ULK4: variants seen among roughly 807,000 people sequenced by gnomAD.
The protein encoded by ULK4 is unc-51 like kinase 4.
A neutral mutation model predicts 160.6 loss-of-function variants in ULK4; 133 were observed. The observed-to-expected ratio is 0.83, with a 90% CI of 0.72 to 0.96. The LOEUF is 0.96. ULK4 is among the 40% of genes least tolerant of loss of function. The probability of loss-of-function intolerance (pLI) is 0.00; values close to 1 mark genes in which losing one functional copy is unlikely to be tolerated. For synonymous variants in ULK4, 534 were observed against 539.8 expected, an observed-to-expected ratio of 0.99 and a Z score of 0.15; for missense variants, 1,580 against 1,499.5, an observed-to-expected ratio of 1.05 and a Z score of -0.89.
At chr3:41,843,902 C>T (rs146170253) in intron 17 of ULK4, among the ~76,000 whole-genome samples, 2,246 of 152,168 alleles carry the variant, frequency 0.015, 47 homozygotes, top group African/African-American at 0.052. Flanking sequence ...AGGTTCTCCA[C>T]GTCCCCACTA....
chr3:41,813,017 C>T lies in ULK4; in HGVS notation c.1848+6406G>A, dbSNP rs1320814740. On this transcript the variant is annotated intron_variant, in intron 19 of 36. Transcript: ENST00000301831. ...AATTTATACATTTGTATCTAATCAA[C>T]ATTTTTTAGCTTACATAATAGTCTA... 3.9e-5 allele frequency among the ~76,000 whole-genome samples: 6 copies of T among 152,146 alleles called. No homozygotes were observed. The East Asian group carries it at 9.6e-4, about 24-fold the overall frequency.
chr3:41,560,321 G>C (rs1389951689), intron 32 of ULK4, among the ~76,000 whole-genome samples: 1 of 151,996 alleles, frequency 6.6e-6, no homozygotes, highest in Non-Finnish European at 1.5e-5. Context: ...TGTTCTTTTG[G>C]CTTAGGATTA....
chr3:41,702,855 G>GTTTTTTTT (rs778490796), intron 27 of ULK4, among the ~76,000 whole-genome samples: 1 of 146,252 alleles, frequency 6.8e-6, no homozygotes, highest in African/African-American at 2.7e-5. Context: ...TTTTTTTTTG[G>GTTTTTTTT]TTTTGTTTTT....
chr3:41,670,876 C>T (rs1310366639), intron 29 of ULK4, among the ~76,000 whole-genome samples: 1 of 152,008 alleles, frequency 6.6e-6, no homozygotes, highest in Non-Finnish European at 1.5e-5. Context: ...TAATATTTAT[C>T]TTTATGCTCT....
intron 34 of ULK4, among the ~76,000 whole-genome samples, chr3:41,435,636 T>C (rs921694992): frequency 2.0e-5 from 3 of 152,154 alleles, no homozygotes; most frequent in Non-Finnish European, 2.9e-5. Context: ...GGAAAATGCA[T>C]GTAACCAACT....
chr3:41,498,794 A>G (rs2085086140), intron 32 of ULK4, among the ~76,000 whole-genome samples: 1 of 151,982 alleles, frequency 6.6e-6, no homozygotes, highest in Admixed American at 6.6e-5. Context: ...ACAGGGTTTC[A>G]CCATGTTAGC....
At chr3:41,903,209 G>A (rs898707751) in intron 12 of ULK4, among the ~76,000 whole-genome samples, 1 of 152,118 alleles carries the variant, frequency 6.6e-6, no homozygotes, top group Non-Finnish European at 1.5e-5. Flanking sequence ...TGAAAGAGGT[G>A]GCCAAATTAT....
chr3:41,565,274 A>C (rs1433010597), intron 32 of ULK4, among the ~76,000 whole-genome samples: 1 of 152,236 alleles, frequency 6.6e-6, no homozygotes, highest in East Asian at 1.9e-4. Flanking sequence ...GAAATGCATA[A>C]GATATAAAGT....
chr3:41,705,364 A>G, intron 25 of ULK4, 59 bp from the exon 26 acceptor site: 1 of 1,388,690 alleles, frequency 7.2e-7, no homozygotes, highest in Non-Finnish European at 9.9e-7. Flanking sequence ...AATAAAATAT[A>G]GGTAGTTTAC....
intron 30 of ULK4, among the ~76,000 whole-genome samples, chr3:41,642,373 T>C (rs554752120): frequency 6.6e-6 from 1 of 152,160 alleles, no homozygotes; most frequent in South Asian, 2.1e-4. Flanking sequence ...CAGAGAGTGA[T>C]GTTCCCCTTC....
At chr3:41,573,636 C>T (rs1424020314) in intron 31 of ULK4, among the ~76,000 whole-genome samples, 5 of 152,200 alleles carry the variant, frequency 3.3e-5, no homozygotes, top group African/African-American at 9.6e-5. Context: ...AGCACACACA[C>T]GTGTTGGGCA....
Position 41,558,910 on chromosome 3 carries a change from T to C in ULK4, c.3226+7115A>G, listed in dbSNP as rs2087425872. Among the ~76,000 whole-genome samples the C allele has an allele frequency of 5.4e-5, 8 of 148,542 alleles. No individual in the cohort carries two copies. The South Asian group carries it at 1.8e-3, about 33-fold the overall frequency. On this transcript the variant is annotated intron_variant, in intron 32 of 36. Coordinates refer to ENST00000301831, the MANE Select transcript of ULK4 (RefSeq NM_017886.4). ...TTTTATTACACTTTAAGTTTTAGGGTACATGTGCACAACGTGCAGGTTAGT... is the reference window on the plus strand; with the variant it reads ...TTTTATTACACTTTAAGTTTTAGGGCACATGTGCACAACGTGCAGGTTAGT...
intron 17 of ULK4, among the ~76,000 whole-genome samples, chr3:41,870,106 G>A (rs1046139057): frequency 2.6e-5 from 4 of 152,132 alleles, no homozygotes; most frequent in African/African-American, 2.4e-5. Context: ...GGAATATATA[G>A]GATTTCTCTA....
rs1256813479 is a variant in ULK4 at position 41,291,354 on chromosome 3, GAGAA to G, written c.3679-41784_3679-41781del. Among the ~76,000 whole-genome samples, 5 of 114,038 alleles carry G rather than the reference GAGAA, an allele frequency of 4.4e-5. No individual in the cohort carries two copies. The East Asian group carries it at 1.2e-3, about 27-fold the overall frequency. The allele number at this position is 114,038 out of a possible 152,430, so 74.8% of individuals were successfully genotyped here. On this transcript the variant is annotated intron_variant, in intron 35 of 36. Coordinates refer to ENST00000301831, the MANE Select transcript of ULK4 (RefSeq NM_017886.4). ...AGAGAAAGAAGGAAGGAAGGAGAAA[GAGAA>G]AGAAAAAGTAAAGAAGAAAGGAAGG...
intron 35 of ULK4, among the ~76,000 whole-genome samples, chr3:41,307,087 A>G (rs2079958753): frequency 6.6e-6 from 1 of 150,632 alleles, no homozygotes; most frequent in Admixed American, 6.6e-5. Flanking sequence ...TCCCTCCACT[A>G]TTGTCCTATG....
At chr3:41,520,431 T>C (rs575187871) in intron 32 of ULK4, among the ~76,000 whole-genome samples, 9 of 152,360 alleles carry the variant, frequency 5.9e-5, no homozygotes, top group Admixed American at 2.6e-4. Flanking sequence ...ACTGTATGCA[T>C]ATACTACATG....
intron 30 of ULK4, among the ~76,000 whole-genome samples, chr3:41,655,285 C>A (rs894220993): frequency 4.0e-5 from 6 of 148,908 alleles, no homozygotes; most frequent in Non-Finnish European, 8.9e-5. Context: ...GGACAAAAAA[C>A]CAAACACCGC....
intron 17 of ULK4, among the ~76,000 whole-genome samples, chr3:41,841,674 C>T (rs1044481899): frequency 5.3e-5 from 8 of 151,944 alleles, no homozygotes; most frequent in African/African-American, 9.7e-5. Flanking sequence ...GCCATGATGA[C>T]GATGGCGGTT....
intron 5 of ULK4, among the ~76,000 whole-genome samples, chr3:41,928,241 T>G (rs1168167510): frequency 6.6e-6 from 1 of 152,182 alleles, no homozygotes; most frequent in Non-Finnish European, 1.5e-5. Flanking sequence ...AACCTGCTCC[T>G]GAATGACTAC....
Sources: gnomAD v4.1 joint callset for allele counts (sites outside exome capture counted in the v4.1 genomes callset) on GRCh38, gnomAD v4.1.1 for gene constraint, MANE v1.5 for transcripts, NCBI Gene and HGNC (gene_info 2026-07-23, HGNC 2026-07-21) for gene names.